Variants in DENND2B observed in about 807,000 individuals in gnomAD.
DENND2B encodes the protein DENN domain-containing protein 2B.
In DENND2B, 32 loss-of-function variants were observed where a neutral mutation model predicts 116.0. The ratio of observed to expected loss-of-function variants is 0.28; its 90% CI spans 0.21 to 0.37. The LOEUF (loss-of-function observed/expected upper bound fraction) is 0.37. Ranked by LOEUF, DENND2B falls within the 10% of genes least tolerant of loss-of-function variation. The probability of loss-of-function intolerance (pLI) is 1.00; values close to 1 mark genes in which losing one functional copy is unlikely to be tolerated. For missense variants in DENND2B, 1,276 were observed against 1,477.7 expected (o/e 0.86, Z 2.24); for synonymous variants, 588 against 583.9 (o/e 1.01, Z -0.10).
chr11:8,736,321 A>G (rs2049021333), intron 2 of DENND2B, among the ~76,000 whole-genome samples: 2 of 152,080 alleles, frequency 1.3e-5, no homozygotes, highest in South Asian at 4.1e-4. Context: ...ACTGCACTCC[A>G]GCCTGGGCAA....
At chr11:8,752,014 G>GT (rs2052598068) in intron 1 of DENND2B, among the ~76,000 whole-genome samples, 1 of 152,210 alleles carries the variant, frequency 6.6e-6, no homozygotes, top group African/African-American at 2.4e-5. Flanking sequence ...CCAGTGAAGA[G>GT]TAATACAAAG....
exon 3 of DENND2B, chr11:8,857,420 C>G (rs572241393): frequency 6.6e-6 from 1 of 152,332 alleles, no homozygotes; most frequent in African/African-American, 2.4e-5. Context: ...TCTATACTAT[C>G]CATTCTGTCA....
At chr11:8,885,277 G>C (rs1258066003) in intron 1 of DENND2B, among the ~76,000 whole-genome samples, 1 of 152,208 alleles carries the variant, frequency 6.6e-6, no homozygotes, top group African/African-American at 2.4e-5. Context: ...TCTCATCACA[G>C]TTTCTTATCC....
intron 1 of DENND2B, among the ~76,000 whole-genome samples, chr11:8,771,434 G>C (rs1362599296): frequency 1.3e-5 from 2 of 151,762 alleles, no homozygotes; most frequent in African/African-American, 4.8e-5. Flanking sequence ...GTTACTGTGA[G>C]ATAAATATAT....
chr11:8,731,710 A>C (rs1482205442), intron 2 of DENND2B, among the ~76,000 whole-genome samples: 1 of 152,192 alleles, frequency 6.6e-6, no homozygotes, highest in Non-Finnish European at 1.5e-5. Context: ...AAAGGGACCA[A>C]AAACCCCAAA....
chr11:8,808,062 T>A (rs968489703), intron 1 of DENND2B: 1 of 152,418 alleles, frequency 6.6e-6, no homozygotes, highest in African/African-American at 2.4e-5. Context: ...CCATGGCATA[T>A]CAAGAATCTC....
At chr11:8,804,147 A>G (rs2060609519) in intron 1 of DENND2B, among the ~76,000 whole-genome samples, 1 of 152,210 alleles carries the variant, frequency 6.6e-6, no homozygotes, top group South Asian at 2.1e-4. Context: ...TGGCCTCTCC[A>G]GTGTGGGCGG....
intron 2 of DENND2B, among the ~76,000 whole-genome samples, chr11:8,736,307 T>C (rs536805769): frequency 6.6e-6 from 1 of 151,806 alleles, no homozygotes; most frequent in South Asian, 2.1e-4. Flanking sequence ...GCCACAATCA[T>C]ACCACTGCAC....
At position 8,806,080 on chromosome 11, in the gene DENND2B, G is replaced by C. The variant is rs150055934; in HGVS notation, c.-26+4437C>G. On this transcript the variant is annotated intron_variant, in intron 1 of 19. Coordinates refer to ENST00000313726, the MANE Select transcript of DENND2B (RefSeq NM_213618.2). ...GGCCTCCGAGGTCAGCCCTTCTCTC[G>C]ATTACCACCTGCTGCTCCTGAGAAC... 1.6e-3 allele frequency among the ~76,000 whole-genome samples: 245 copies of C among 152,056 alleles called. 1 individual carries two copies. The highest frequency in any genetic ancestry group is 5.5e-3 in the African/African-American group (229 of 41,474).
intron 1 of DENND2B, among the ~76,000 whole-genome samples, chr11:8,782,323 T>C (rs2058453472): frequency 1.3e-5 from 2 of 152,216 alleles, no homozygotes; most frequent in Non-Finnish European, 2.9e-5. Context: ...TATGGACACA[T>C]GTATGTAAAA....
At chr11:8,909,360 G>T (rs1412191335) in intron 1 of DENND2B, among the ~76,000 whole-genome samples, 3 of 151,766 alleles carry the variant, frequency 2.0e-5, no homozygotes, top group African/African-American at 7.3e-5. Context: ...TGATACCCTC[G>T]TTTCTTTATT....
intron 2 of DENND2B, among the ~76,000 whole-genome samples, chr11:8,869,599 T>C (rs963037836): frequency 6.6e-5 from 10 of 151,478 alleles, no homozygotes; most frequent in Admixed American, 2.0e-4. Flanking sequence ...GAGGCGGGGG[T>C]TGCAGTGAGC....
At chr11:8,814,502 G>A (rs58419940), upstream of DENND2B, among the ~76,000 whole-genome samples, 2,727 of 151,896 alleles carry the variant, frequency 0.018, 80 homozygotes, top group African/African-American at 0.06. Flanking sequence ...GTTGTTTCCC[G>A]TTGCTGGGAC....
chr11:8,839,146 G>GA (rs1281313825), intron 4 of DENND2B, among the ~76,000 whole-genome samples: 2 of 152,202 alleles, frequency 1.3e-5, no homozygotes, highest in African/African-American at 4.8e-5. Context: ...AGGTACACAG[G>GA]AATCTATGAG....
intron 9 of DENND2B, chr11:8,711,967 C>CCTA (rs2060136507): frequency 2.2e-6 from 1 of 455,756 alleles, no homozygotes; most frequent in Admixed American, 2.3e-5. Flanking sequence ...TGAAAGAGGT[C>CCTA]CTACTTGAGC....
chr11:8,762,664 C>A (rs2054889989), intron 1 of DENND2B, among the ~76,000 whole-genome samples: 1 of 152,170 alleles, frequency 6.6e-6, no homozygotes, highest in East Asian at 1.9e-4. Context: ...AGTTTGAGAC[C>A]AGCCTGACCA....
At chr11:8,751,793 T>TA (rs1442090363) in intron 1 of DENND2B, among the ~76,000 whole-genome samples, 1 of 152,332 alleles carries the variant, frequency 6.6e-6, no homozygotes, top group East Asian at 1.9e-4. Context: ...TTCCTTAAGT[T>TA]AGAGTTTCCT....
At chr11:8,862,900 G>A (rs2063446301) in intron 2 of DENND2B, among the ~76,000 whole-genome samples, 1 of 152,090 alleles carries the variant, frequency 6.6e-6, no homozygotes, top group Admixed American at 6.5e-5. Context: ...ACAGAGCTGG[G>A]CACATCATAC....
chr11:8,704,911 A>AT (rs1172055171), intron 13 of DENND2B, among the ~76,000 whole-genome samples: 2 of 152,022 alleles, frequency 1.3e-5, no homozygotes, highest in Non-Finnish European at 2.9e-5. Flanking sequence ...CATGTTGGCC[A>AT]GGCTGGTCTC....
Sources: allele counts gnomAD v4.1 joint callset (sites outside exome capture counted in the v4.1 genomes callset), GRCh38; gene constraint gnomAD v4.1.1; transcripts MANE v1.5; gene names NCBI Gene and HGNC (gene_info 2026-07-23, HGNC 2026-07-21).